Variants in TLL2 observed in about 807,000 individuals in gnomAD.
TLL2 encodes the protein tolloid like 2.
A neutral mutation model predicts 123.0 loss-of-function variants in TLL2; 106 were observed. That is an observed-to-expected ratio of 0.86 (90% CI 0.74 to 1.01). The LOEUF (loss-of-function observed/expected upper bound fraction) is 1.01. TLL2 is among the 50% of genes least tolerant of loss of function. The pLI, the probability that TLL2 is intolerant of heterozygous loss-of-function variation, is 0.00. For missense variants in TLL2, 1,332 were observed against 1,336.7 expected (o/e 1.00, Z 0.06); for synonymous variants, 494 against 516.8 (o/e 0.96, Z 0.60).
chr10:96,451,413 C>T (rs1462038028), intron 2 of TLL2, among the ~76,000 whole-genome samples: 1 of 152,124 alleles, frequency 6.6e-6, no homozygotes, highest in Non-Finnish European at 1.5e-5. Flanking sequence ...GACATCTAGG[C>T]AGAAAGAGAT....
At chr10:96,497,911 C>T (rs139909625) in intron 1 of TLL2, among the ~76,000 whole-genome samples, 7 of 152,380 alleles carry the variant, frequency 4.6e-5, no homozygotes, top group Admixed American at 2.0e-4. Context: ...TATGCCAACA[C>T]CTTTCACTGC....
intron 7 of TLL2, among the ~76,000 whole-genome samples, 191 bp from the exon 8 acceptor site, chr10:96,413,507 G>C (rs2134071573): frequency 6.6e-6 from 1 of 152,266 alleles, no homozygotes; most frequent in Non-Finnish European, 1.5e-5. Context: ...CATCTCATCA[G>C]CTGCCTACTC....
At chr10:96,445,965 A>G in intron 3 of TLL2, 126 bp downstream of exon 3, 2 of 944,700 alleles carry the variant, frequency 2.1e-6, no homozygotes, top group South Asian at 3.0e-5. Flanking sequence ...ATGGTTACAT[A>G]GCATTGTGAA....
chr10:96,394,971 G>A (rs987859382), intron 13 of TLL2, among the ~76,000 whole-genome samples: 1 of 152,220 alleles, frequency 6.6e-6, no homozygotes, highest in Non-Finnish European at 1.5e-5. Flanking sequence ...TCCAAGTACA[G>A]AACTTTCTAT....
intron 2 of TLL2, among the ~76,000 whole-genome samples, chr10:96,470,298 C>T (rs536569183): frequency 1.3e-5 from 2 of 152,318 alleles, no homozygotes; most frequent in South Asian, 2.1e-4. Context: ...CCATCCTACC[C>T]CTGACAGCCT....
At chr10:96,400,016 T>C (rs1052711765) in intron 10 of TLL2, among the ~76,000 whole-genome samples, 2 of 152,176 alleles carry the variant, frequency 1.3e-5, no homozygotes, top group African/African-American at 4.8e-5. Context: ...TCCTAAGCAC[T>C]CTCCCCAAAT....
rs548999921 is a variant in TLL2, at chr10:96,469,357, A to G, written c.286+10992T>C. Among the ~76,000 whole-genome samples the G allele has an allele frequency of 2.9e-4, 44 of 152,322 alleles. No homozygotes were observed. In the South Asian group the frequency reaches 8.5e-3, roughly 29 times the overall value. On this transcript the variant is annotated intron_variant, in intron 2 of 20. Coordinates refer to ENST00000357947, the MANE Select transcript of TLL2 (RefSeq NM_012465.4). The stretch of plus-strand genomic sequence containing the variant: ...CTTTCCTCCCTAATCCTTACTTCCT[A>G]CAAGAACCAGTCGCTCTTGCCTTGT...
intron 1 of TLL2, among the ~76,000 whole-genome samples, chr10:96,497,406 T>C (rs1022378568): frequency 1.3e-5 from 2 of 152,236 alleles, no homozygotes; most frequent in Non-Finnish European, 2.9e-5. Context: ...TGTACACTTA[T>C]TCTTCACCCT....
chr10:96,415,834 G>T, intron 7 of TLL2, among the ~76,000 whole-genome samples: 1 of 127,974 alleles, frequency 7.8e-6, no homozygotes, highest in Non-Finnish European at 1.7e-5. Context: ...TATTACCCCT[G>T]GTTCTTCCTG....
intron 1 of TLL2, among the ~76,000 whole-genome samples, chr10:96,499,822 TACAA>T (rs201003021): frequency 0.012 from 1,796 of 151,940 alleles, 40 homozygotes; most frequent in African/African-American, 0.041. Flanking sequence ...GCAGAAGAAA[TACAA>T]ACAATCAAAA....
chr10:96,476,234 A>ATTTTTTT (rs1232966569), intron 2 of TLL2, among the ~76,000 whole-genome samples: 1 of 21,524 alleles, frequency 4.6e-5, no homozygotes, highest in African/African-American at 1.8e-4. Context: ...ATATATATAT[A>ATTTTTTT]TATATATTTT....
intron 16 of TLL2, among the ~76,000 whole-genome samples, chr10:96,380,874 G>C (rs1201300247): frequency 6.6e-6 from 1 of 151,676 alleles, no homozygotes; most frequent in Admixed American, 6.6e-5. Flanking sequence ...CTCCTCAGGA[G>C]GCTGAGGCAG....
At chr10:96,396,897 C>T (rs1017796847) in intron 11 of TLL2, among the ~76,000 whole-genome samples, 7 of 152,178 alleles carry the variant, frequency 4.6e-5, no homozygotes, top group Non-Finnish European at 8.8e-5. Context: ...CTAGATCCCC[C>T]CAATACCGTC....
At chr10:96,430,890 AAAAG>A (rs1846732420) in intron 4 of TLL2, among the ~76,000 whole-genome samples, 1 of 152,222 alleles carries the variant, frequency 6.6e-6, no homozygotes, top group African/African-American at 2.4e-5. Flanking sequence ...TCAAAAAAAT[AAAAG>A]AAAGAAAGAA....
intron 8 of TLL2, among the ~76,000 whole-genome samples, chr10:96,412,892 T>C (rs887005242): frequency 6.6e-6 from 1 of 152,210 alleles, no homozygotes; most frequent in African/African-American, 2.4e-5. Flanking sequence ...ATTACACCCC[T>C]ATTTACTGTT....
At chr10:96,484,390 A>T (rs2134106237) in intron 1 of TLL2, among the ~76,000 whole-genome samples, 1 of 152,270 alleles carries the variant, frequency 6.6e-6, no homozygotes, top group Non-Finnish European at 1.5e-5. Flanking sequence ...CTTAAGGATT[A>T]TTTATTCCTG....
At chr10:96,410,786 G>T (rs1564901563) in intron 8 of TLL2, 1 of 451,664 alleles carries the variant, frequency 2.2e-6, no homozygotes, top group East Asian at 5.2e-5. Context: ...CTGGACCTTA[G>T]TTTTCTTATC....
rs1564915015 is a variant in TLL2 at position 96,476,247 on chromosome 10, T to TG, written c.286+4101_286+4102insC. On this transcript the variant is annotated intron_variant, in intron 2 of 20. Coordinates refer to ENST00000357947, the MANE Select transcript of TLL2 (RefSeq NM_012465.4). Reference sequence around the variant, plus strand: ...GTATATATATATATATATATTTTATTTTTGTTGTTGTTGTTGTTGTTGAGA... The same window carrying TG: ...GTATATATATATATATATATTTTATTGTTTGTTGTTGTTGTTGTTGTTGAGA... 1.3e-4 allele frequency among the ~76,000 whole-genome samples: 15 copies of TG among 115,348 alleles called. 2 individuals carry two copies. Among genetic ancestry groups the TG allele is most frequent in the African/African-American group, 4.3e-4 (13 of 30,084 alleles). The allele number at this position is 115,348 out of a possible 152,430, so 75.7% of individuals were successfully genotyped here. A position where few individuals can be genotyped will look rare whatever the true frequency, so the allele number is the denominator to read the frequency against.
intron 1 of TLL2, among the ~76,000 whole-genome samples, chr10:96,504,118 T>A (rs984840721): frequency 6.6e-6 from 1 of 152,086 alleles, no homozygotes; most frequent in African/African-American, 2.4e-5. Context: ...TCCCATCAAC[T>A]CCTAGGGGTT....
Sources: gnomAD v4.1 joint callset for allele counts (sites outside exome capture counted in the v4.1 genomes callset) on GRCh38, gnomAD v4.1.1 for gene constraint, MANE v1.5 for transcripts, NCBI Gene and HGNC (gene_info 2026-07-23, HGNC 2026-07-21) for gene names.